The following GRM8 variants were observed in gnomAD, a reference collection of about 807,000 sequenced individuals.
The protein encoded by GRM8 is metabotropic glutamate receptor 8.
Under a neutral mutation model 87.2 loss-of-function variants are expected in GRM8, and 47 were observed. The observed-to-expected ratio is 0.54, with a 90% CI of 0.43 to 0.69. GRM8 has a LOEUF of 0.69. Ranked by LOEUF, GRM8 falls within the 30% of genes least tolerant of loss-of-function variation. GRM8 has a pLI of 0.00. For synonymous variants in GRM8, 396 were observed against 404.5 expected (o/e 0.98, Z 0.25); for missense variants, 1,019 against 1,139.2 (o/e 0.89, Z 1.52).
intron 9 of GRM8, among the ~76,000 whole-genome samples, chr7:126,518,828 A>G (rs1812549403): frequency 6.6e-6 from 1 of 152,060 alleles, no homozygotes. Flanking sequence ...TCTTAGAATT[A>G]AACAGACCCT....
intron 7 of GRM8, 136 bp downstream of exon 7, chr7:126,769,729 C>A: frequency 1.6e-6 from 1 of 606,788 alleles, no homozygotes; most frequent in South Asian, 2.2e-5. Context: ...GGTGGAAAAA[C>A]TCACACTTCT....
chr7:126,610,347 C>A (rs919545951), intron 7 of GRM8, among the ~76,000 whole-genome samples: 1 of 152,124 alleles, frequency 6.6e-6, no homozygotes, highest in Non-Finnish European at 1.5e-5. Flanking sequence ...AGCTTTTAGG[C>A]TTCTCTACAT....
chr7:126,539,528 T>A (rs1263696810), intron 8 of GRM8, among the ~76,000 whole-genome samples: 1 of 152,032 alleles, frequency 6.6e-6, no homozygotes, highest in African/African-American at 2.4e-5. Context: ...TCACATTTCC[T>A]CATTTTAAAA....
At chr7:126,821,653 T>C (rs1450331383) in intron 6 of GRM8, among the ~76,000 whole-genome samples, 3 of 152,182 alleles carry the variant, frequency 2.0e-5, no homozygotes, top group African/African-American at 4.8e-5. Context: ...TCTTTTTTCT[T>C]AGCTAATTTT....
intron 7 of GRM8, among the ~76,000 whole-genome samples, chr7:126,749,983 C>T (rs1816226548): frequency 6.6e-6 from 1 of 152,078 alleles, no homozygotes; most frequent in South Asian, 2.1e-4. Context: ...AACTTCTATT[C>T]CCAAGTATTT....
intron 7 of GRM8, among the ~76,000 whole-genome samples, chr7:126,663,861 C>T (rs1805478073): frequency 6.6e-6 from 1 of 152,100 alleles, no homozygotes; most frequent in Admixed American, 6.5e-5. Flanking sequence ...TATCTCTCTT[C>T]ACTGACAATA....
chr7:126,511,626 G>A (rs1438492540), intron 9 of GRM8: 1 of 152,118 alleles, frequency 6.6e-6, no homozygotes, highest in African/African-American at 2.4e-5. Context: ...TTAACAGTGT[G>A]TTAATCAGAA....
chr7:126,806,504 C>T (rs1792742801), intron 6 of GRM8, among the ~76,000 whole-genome samples: 1 of 152,262 alleles, frequency 6.6e-6, no homozygotes, highest in South Asian at 2.1e-4. Flanking sequence ...TGGCCCCACC[C>T]ACATCCTGCT....
In GRM8 at chr7:126,728,392, G is replaced by T. The variant is rs6973307; in HGVS notation, c.1357+41473C>A. Among the ~76,000 whole-genome samples the T allele has an allele frequency of 4.9e-3, 748 of 152,092 alleles. 9 individuals carry two copies. Among genetic ancestry groups the T allele is most frequent in the African/African-American group, 0.017 (715 of 41,446 alleles). Reference sequence around the variant, plus strand: ...GGACCCCAGCTGGCTGGCTCACAGCGGGAGTAGAAGAAAAGATCCCATTGC... The same window carrying T: ...GGACCCCAGCTGGCTGGCTCACAGCTGGAGTAGAAGAAAAGATCCCATTGC... On this transcript the variant is annotated intron_variant, in intron 7 of 10. Coordinates refer to ENST00000339582, the MANE Select transcript of GRM8 (RefSeq NM_000845.3).
intron 7 of GRM8, among the ~76,000 whole-genome samples, chr7:126,724,016 G>C (rs1198555197): frequency 6.6e-6 from 1 of 152,062 alleles, no homozygotes; most frequent in Admixed American, 6.6e-5. Flanking sequence ...TACATAGAGG[G>C]CATACATTTT....
chr7:127,149,423 G>T (rs1828724590), intron 2 of GRM8, among the ~76,000 whole-genome samples: 1 of 151,980 alleles, frequency 6.6e-6, no homozygotes, highest in Non-Finnish European at 1.5e-5. Context: ...AACCAATGTG[G>T]GCAAAGGTAT....
At chr7:127,151,254 C>A (rs1010233846) in intron 2 of GRM8, among the ~76,000 whole-genome samples, 5 of 151,984 alleles carry the variant, frequency 3.3e-5, no homozygotes, top group East Asian at 1.9e-4. Context: ...CCAGCCTTGA[C>A]CTCCATAGAG....
intron 7 of GRM8, among the ~76,000 whole-genome samples, chr7:126,703,596 A>G (rs1034553358): frequency 6.6e-6 from 1 of 152,082 alleles, no homozygotes; most frequent in Non-Finnish European, 1.5e-5. Flanking sequence ...TCTCGTCTTT[A>G]TCACTCAGGC....
chr7:126,823,282 T>G (rs1244328237), intron 6 of GRM8, among the ~76,000 whole-genome samples: 1 of 152,214 alleles, frequency 6.6e-6, no homozygotes, highest in Non-Finnish European at 1.5e-5. Flanking sequence ...TGGGTAAAAT[T>G]TAGGACATGC....
intron 7 of GRM8, among the ~76,000 whole-genome samples, chr7:126,705,491 A>C (rs910475672): frequency 3.3e-5 from 5 of 152,198 alleles, no homozygotes; most frequent in Admixed American, 2.0e-4. Flanking sequence ...AAATAATTAC[A>C]GAGAGAATAT....
At chr7:126,823,259 T>A (rs918781636) in intron 6 of GRM8, among the ~76,000 whole-genome samples, 33 of 152,342 alleles carry the variant, frequency 2.2e-4, no homozygotes, top group African/African-American at 7.7e-4. Context: ...GTTTTTCCAA[T>A]CCTGTAATTG....
intron 9 of GRM8, among the ~76,000 whole-genome samples, chr7:126,508,802 T>C (rs758710719): frequency 2.0e-5 from 3 of 152,016 alleles, no homozygotes; most frequent in Non-Finnish European, 2.9e-5. Context: ...GAATGACGTA[T>C]ATAAGGAAGA....
At chr7:126,981,220 T>C (rs1811493190) in intron 3 of GRM8, 1 of 152,376 alleles carries the variant, frequency 6.6e-6, no homozygotes, top group South Asian at 2.1e-4. Context: ...TCAGGACAGC[T>C]GGCTCTGGGG....
intron 9 of GRM8, among the ~76,000 whole-genome samples, chr7:126,474,438 G>A (rs1326656406): frequency 2.0e-5 from 3 of 151,958 alleles, no homozygotes; most frequent in African/African-American, 7.2e-5. Flanking sequence ...CTGCCTAATT[G>A]TTTAATTTTT....
Sources: gnomAD v4.1 joint callset for allele counts (sites outside exome capture counted in the v4.1 genomes callset) on GRCh38, gnomAD v4.1.1 for gene constraint, MANE v1.5 for transcripts, NCBI Gene and HGNC (gene_info 2026-07-23, HGNC 2026-07-21) for gene names.